NUMB: variants seen among roughly 807,000 people sequenced by gnomAD.
NUMB encodes the protein NUMB endocytic adaptor protein.
In NUMB, 29 loss-of-function variants were observed where a neutral mutation model predicts 59.7. That is an observed-to-expected ratio of 0.49 (90% CI 0.36 to 0.66). NUMB has a LOEUF of 0.66. Ranked by LOEUF, NUMB falls within the 30% of genes least tolerant of loss-of-function variation. The pLI is 0.00. For synonymous variants in NUMB, 288 were observed against 288.2 expected (o/e 1.00, Z 0.01); for missense variants, 723 against 822.0 (o/e 0.88, Z 1.47).
chr14:73,333,362 G>A (rs1209206621), intron 4 of NUMB, among the ~76,000 whole-genome samples: 1 of 151,848 alleles, frequency 6.6e-6, no homozygotes, highest in East Asian at 1.9e-4. Flanking sequence ...AGTGTTTGTT[G>A]GCTAGCTGTA....
Position 73,284,315 on chromosome 14 carries a change from G to C in NUMB, c.715C>G (p.Pro239Ala), listed in dbSNP as rs753578688. 1.2e-6 allele frequency: 2 copies of C among 1,613,964 alleles called. No homozygotes were observed. The highest frequency in any genetic ancestry group is 1.7e-5 in the Admixed American group (1 of 59,986). ...SVAPGNTAPS[P>A]SSPTSPTSDA... ...GAAGTAGGAGAGGTGGGAGAGGATG[G>C]GGATGGGGCAGTGTTGCCAGGGGCA... is the stretch of plus-strand genomic sequence containing the variant. Residue 239 changes from proline (P) to alanine (A), a missense_variant, in exon 10 of 13, where the codon CCA (proline) becomes GCA (alanine). Around this residue, in one of 2 missense-constraint regions of NUMB, gnomAD observed 317 missense variants for 436.6 expected, o/e 0.73. Coordinates refer to ENST00000555238, the MANE Select transcript of NUMB (RefSeq NM_001005743.2).
intron 1 of NUMB, among the ~76,000 whole-genome samples, chr14:73,424,287 C>T (rs553449091): frequency 6.6e-6 from 1 of 152,240 alleles, no homozygotes; most frequent in South Asian, 2.1e-4. Flanking sequence ...TTCCTAATAC[C>T]TGAAAGGTTC....
At chr14:73,386,592 A>C (rs1401876297) in intron 2 of NUMB, among the ~76,000 whole-genome samples, 1 of 151,924 alleles carries the variant, frequency 6.6e-6, no homozygotes, top group African/African-American at 2.4e-5. Flanking sequence ...GCTTTGAATA[A>C]CTCTCCCTTA....
intron 3 of NUMB, chr14:73,357,023 A>T (rs761361649): frequency 1.0e-6 from 1 of 970,346 alleles, no homozygotes; most frequent in Non-Finnish European, 1.2e-6. Context: ...AAGCAGTATG[A>T]CATCAGAATG....
chr14:73,388,094 C>A (rs1187230565), intron 2 of NUMB, among the ~76,000 whole-genome samples: 2 of 151,836 alleles, frequency 1.3e-5, no homozygotes, highest in Admixed American at 6.6e-5. Flanking sequence ...CCAAGTGAGA[C>A]CCTGTCTCTA....
chr14:73,429,610 C>T (rs751498986), intron 1 of NUMB, among the ~76,000 whole-genome samples: 7 of 152,156 alleles, frequency 4.6e-5, no homozygotes, highest in Middle Eastern at 3.4e-3. Flanking sequence ...TTGGCAATTA[C>T]GAGTTTGGTG....
At chr14:73,367,348 T>TATATATATATATAGAGAG (rs1555375287) in intron 2 of NUMB, among the ~76,000 whole-genome samples, 1 of 105,322 alleles carries the variant, frequency 9.5e-6, no homozygotes, top group African/African-American at 5.0e-5. Context: ...TATATATATA[T>TATATATATATATAGAGAG]AGAGAGAGAG....
At chr14:73,435,733 T>G (rs1336988233) in intron 1 of NUMB, among the ~76,000 whole-genome samples, 1 of 151,544 alleles carries the variant, frequency 6.6e-6, no homozygotes, top group Non-Finnish European at 1.5e-5. Flanking sequence ...TGATCTGGGC[T>G]CAGTGGCTCA....
intron 3 of NUMB, among the ~76,000 whole-genome samples, chr14:73,366,591 T>C (rs1894356525): frequency 6.6e-6 from 1 of 152,150 alleles, no homozygotes; most frequent in South Asian, 2.1e-4. Flanking sequence ...AAAACTGATG[T>C]ATGGAAAAGT....
intron 2 of NUMB, among the ~76,000 whole-genome samples, chr14:73,406,425 C>T (rs1896677106): frequency 6.6e-6 from 1 of 152,162 alleles, no homozygotes; most frequent in Non-Finnish European, 1.5e-5. Context: ...GACATGAACT[C>T]ATCCTTTTTT....
intron 3 of NUMB, among the ~76,000 whole-genome samples, chr14:73,363,726 A>C (rs989398148): frequency 6.6e-6 from 1 of 152,180 alleles, no homozygotes; most frequent in African/African-American, 2.4e-5. Flanking sequence ...AGGTGGAAGG[A>C]CTGCTTAAGC....
chr14:73,404,711 C>CATAT (rs1896578222), intron 2 of NUMB, among the ~76,000 whole-genome samples: 1 of 151,834 alleles, frequency 6.6e-6, no homozygotes, highest in Non-Finnish European at 1.5e-5. Context: ...TGGTAAAGGG[C>CATAT]ATATAGGACT....
In NUMB at chr14:73,300,992, T is replaced by G. The variant is rs532590362; in HGVS notation, c.235-3707A>C. Among the ~76,000 whole-genome samples, 95 of 152,218 alleles carry G rather than the reference T, an allele frequency of 6.2e-4. 1 individual carries two copies. The highest frequency in any genetic ancestry group is 1.2e-3 in the Non-Finnish European group (79 of 68,040). On this transcript the variant is annotated intron_variant, in intron 6 of 12. Transcript: ENST00000555238. The stretch of plus-strand genomic sequence containing the variant: ...AGAGTCATTCACCAGCAACAGTAAC[T>G]GCTCATATTTAACCAACCCTCATGT...
intron 9 of NUMB, among the ~76,000 whole-genome samples, chr14:73,285,891 A>G (rs1483001743): frequency 6.6e-6 from 1 of 151,494 alleles, no homozygotes; most frequent in Non-Finnish European, 1.5e-5. Context: ...GCGCCACTAC[A>G]TTCCAGCCTG....
intron 4 of NUMB, among the ~76,000 whole-genome samples, chr14:73,328,216 G>A (rs11846607): frequency 0.064 from 9,734 of 151,288 alleles, 777 homozygotes; most frequent in African/African-American, 0.18. Context: ...CAGAGGTTGC[G>A]GTGAGCCAAG....
intron 4 of NUMB, among the ~76,000 whole-genome samples, chr14:73,352,701 ATT>A (rs71112736): frequency 7.6e-6 from 1 of 132,142 alleles, no homozygotes. Context: ...CGTCCAGCTA[ATT>A]TTTTTTTTTT....
At chr14:73,278,128 C>CA (rs1384179634) in intron 12 of NUMB, among the ~76,000 whole-genome samples, 3 of 151,010 alleles carry the variant, frequency 2.0e-5, no homozygotes, top group Admixed American at 2.0e-4. Flanking sequence ...TCTAACAGAG[C>CA]AAAAAGAAAA....
chr14:73,391,274 AT>A (rs1014935791), intron 2 of NUMB, among the ~76,000 whole-genome samples: 7 of 148,672 alleles, frequency 4.7e-5, no homozygotes, highest in Non-Finnish European at 8.9e-5. Flanking sequence ...TTTTCAGTGG[AT>A]TTTTTTTCTT....
chr14:73,395,490 G>C (rs772006515), intron 2 of NUMB, among the ~76,000 whole-genome samples: 2 of 152,054 alleles, frequency 1.3e-5, no homozygotes, highest in African/African-American at 4.8e-5. Flanking sequence ...TGGCAGTGGT[G>C]TGTCCCTATA....
Sources: allele counts gnomAD v4.1 joint callset (sites outside exome capture counted in the v4.1 genomes callset), GRCh38; gene constraint gnomAD v4.1.1; regional missense constraint gnomAD v4.1.1; transcripts MANE v1.5; gene names NCBI Gene and HGNC (gene_info 2026-07-23, HGNC 2026-07-21).